PCDHGB6: variants seen among roughly 807,000 people sequenced by gnomAD.
PCDHGB6 encodes the protein protocadherin gamma-B6.
Under a neutral mutation model 59.1 loss-of-function variants are expected in PCDHGB6, and 51 were observed. The ratio of observed to expected loss-of-function variants is 0.86; its 90% confidence interval spans 0.69 to 1.09. The LOEUF (loss-of-function observed/expected upper bound fraction) is 1.09, where lower values mean the gene tolerates loss of function less well. PCDHGB6 is among the 50% of genes least tolerant of loss of function. The pLI, the probability that PCDHGB6 is intolerant of heterozygous loss-of-function variation, is 0.00. For synonymous variants in PCDHGB6, 466 were observed against 495.1 expected, an observed-to-expected ratio of 0.94 and a Z score of 0.78; for missense variants, 1,148 against 1,205.1, an observed-to-expected ratio of 0.95 and a Z score of 0.70.
At chr5:141,414,722 G>T in intron 1 of PCDHGB6, 1 of 1,614,128 alleles carries the variant, frequency 6.2e-7, no homozygotes, top group South Asian at 1.1e-5. Flanking sequence ...TCAGACACTG[G>T]CGTCCTGTAT....
chr5:141,450,179 A>G (rs1472867634), intron 1 of PCDHGB6, among the ~76,000 whole-genome samples: 1 of 151,100 alleles, frequency 6.6e-6, no homozygotes, highest in African/African-American at 2.4e-5. Flanking sequence ...CACCACACCC[A>G]GCTAATTTTT....
At chr5:141,495,392 G>A (rs2099760968) in intron 2 of PCDHGB6, among the ~76,000 whole-genome samples, 2 of 152,186 alleles carry the variant, frequency 1.3e-5, no homozygotes, top group Non-Finnish European at 2.9e-5. Context: ...GGCGGGGCAT[G>A]GAGCAGGCCC....
At chr5:141,461,974 C>T (rs2099027742) in intron 1 of PCDHGB6, among the ~76,000 whole-genome samples, 1 of 152,202 alleles carries the variant, frequency 6.6e-6, no homozygotes, top group Non-Finnish European at 1.5e-5. Context: ...CAGGCATATG[C>T]CACCACGCCA....
chr5:141,510,400 TA>T (rs780031896), intron 3 of PCDHGB6, among the ~76,000 whole-genome samples: 12 of 151,920 alleles, frequency 7.9e-5, no homozygotes, highest in Non-Finnish European at 1.3e-4. Flanking sequence ...TGGCAAAGGC[TA>T]GGGGCATGTA....
intron 1 of PCDHGB6, among the ~76,000 whole-genome samples, chr5:141,444,241 G>A (rs1302797543): frequency 3.1e-5 from 4 of 130,308 alleles, no homozygotes; most frequent in Admixed American, 1.9e-4. Flanking sequence ...GCATGCTCTC[G>A]GCTCACTGCA....
intron 1 of PCDHGB6, chr5:141,423,880 G>T: frequency 7.8e-7 from 1 of 1,282,292 alleles, no homozygotes; most frequent in Non-Finnish European, 9.9e-7. Flanking sequence ...TTTCAATCTT[G>T]GCATATTTTC....
intron 1 of PCDHGB6, among the ~76,000 whole-genome samples, chr5:141,430,159 A>G (rs1324343997): frequency 6.6e-6 from 1 of 152,176 alleles, no homozygotes; most frequent in Non-Finnish European, 1.5e-5. Context: ...CAAGGAATCT[A>G]TTTAAAAATA....
In PCDHGB6 at chr5:141,409,351, G is replaced by T; in HGVS notation, c.1149G>T (p.Arg383Ser). 1 of 1,613,982 alleles carries T rather than the reference G, an allele frequency of 6.2e-7. No individual in the cohort carries two copies. Among genetic ancestry groups the T allele is most frequent in the South Asian group, 1.1e-5 (1 of 91,090 alleles). ...DLDFGGNGEVRCNIETDIPFK... is the reference protein window; with the variant it reads ...DLDFGGNGEVSCNIETDIPFK... Reference sequence around the variant, plus strand: ...ATTTCGGAGGAAATGGAGAAGTCAGGTGTAATATAGAAACAGACATTCCAT... The same window carrying T: ...ATTTCGGAGGAAATGGAGAAGTCAGTTGTAATATAGAAACAGACATTCCAT... The change falls in exon 1 of 4, where the codon AGG becomes AGT. Residue 383 changes from arginine to serine, a missense_variant. By Grantham distance (110) the Arg-to-Ser change is moderately radical. Coordinates refer to ENST00000520790, the MANE Select transcript of PCDHGB6 (RefSeq NM_018926.3).
chr5:141,418,663 C>T, intron 1 of PCDHGB6: 1 of 1,613,960 alleles, frequency 6.2e-7, no homozygotes, highest in South Asian at 1.1e-5. Flanking sequence ...AGGCCACTGA[C>T]CAGGACGAGG....
intron 1 of PCDHGB6, among the ~76,000 whole-genome samples, chr5:141,429,629 C>G (rs2097230011): frequency 1.3e-5 from 2 of 152,160 alleles, no homozygotes; most frequent in Admixed American, 1.3e-4. Flanking sequence ...TATTTTCTCA[C>G]AGCTACCTAT....
At position 141,423,756 on chromosome 5, in the gene PCDHGB6, G is replaced by GGA. The variant is rs1554116833; in HGVS notation, c.2418+13137_2418+13138insAG. 3 of 448,454 alleles carry GGA rather than the reference G, an allele frequency of 6.7e-6. No individual in the cohort carries two copies. In the African/African-American group the frequency reaches 8.4e-5, roughly 13 times the overall value. The allele number at this position is 448,454 out of a possible 1,614,324, so 27.8% of individuals were successfully genotyped here. A position where few individuals can be genotyped will look rare whatever the true frequency, so the allele number is the denominator to read the frequency against. ...GCCTGTTATGAAAACTGTTTGGGGG[G>GGA]GGGGTGGGGCGGCATATATTTAGTT... On this transcript the variant is annotated intron_variant, in intron 1 of 3. Coordinates refer to ENST00000520790, the MANE Select transcript of PCDHGB6 (RefSeq NM_018926.3).
In PCDHGB6 at chr5:141,489,984, T is replaced by C; in HGVS notation, c.2419-4823T>C. The C allele has an allele frequency of 1.2e-6, 2 of 1,614,212 alleles. No homozygotes were observed. Among genetic ancestry groups the C allele is most frequent in the South Asian group, 1.1e-5 (1 of 91,090 alleles). ...CAACCTTCCAATCCTCAGTTCTACG[T>C]GTGGGAATCCCAGAGAATGCACCCA... On this transcript the variant is annotated intron_variant, in intron 1 of 3. Transcript: ENST00000520790. The surrounding 1 kb of genome is among the most constrained non-coding windows in gnomAD (Gnocchi z 4.5).
At position 141,432,455 on chromosome 5, in the gene PCDHGB6, G is replaced by A; in HGVS notation, c.2418+21835G>A. The A allele has an allele frequency of 6.2e-7, 1 of 1,614,176 alleles. No individual in the cohort carries two copies. The highest frequency in any genetic ancestry group is 8.5e-7 in the Non-Finnish European group (1 of 1,180,042). On this transcript the variant is annotated intron_variant, in intron 1 of 3. Transcript: ENST00000520790. The surrounding 1 kb of genome is among the most constrained non-coding windows in gnomAD (Gnocchi z 6.0). ...CAATGCGCCCGAGATCCTGTACCCCGCCCTCCCCACGGACGGTTCCACTGG... is the reference window on the plus strand; with the variant it reads ...CAATGCGCCCGAGATCCTGTACCCCACCCTCCCCACGGACGGTTCCACTGG...
chr5:141,449,537 C>T (rs1377909573), intron 1 of PCDHGB6, among the ~76,000 whole-genome samples: 1 of 146,330 alleles, frequency 6.8e-6, no homozygotes, highest in Non-Finnish European at 1.5e-5. Flanking sequence ...TGCAGTGAGC[C>T]GAGATCGCAC....
intron 1 of PCDHGB6, chr5:141,422,812 T>C: frequency 6.2e-7 from 1 of 1,614,206 alleles, no homozygotes; most frequent in South Asian, 1.1e-5. Context: ...GTTTCGAGAC[T>C]TAGAACTGAG....
intron 1 of PCDHGB6, among the ~76,000 whole-genome samples, chr5:141,446,167 G>A (rs1357034077): frequency 6.6e-6 from 1 of 152,188 alleles, no homozygotes; most frequent in African/African-American, 2.4e-5. Flanking sequence ...ATTTCATGAG[G>A]GCAGGGGGTG....
chr5:141,456,550 C>T (rs1017343381), intron 1 of PCDHGB6, among the ~76,000 whole-genome samples: 2 of 152,166 alleles, frequency 1.3e-5, no homozygotes, highest in African/African-American at 4.8e-5. Context: ...TGTAGCCACT[C>T]GGGGCTGAAG....
In PCDHGB6 at chr5:141,432,695, G is replaced by A. The variant is rs1275179569; in HGVS notation, c.2418+22075G>A. ...GCTCAAGCAGAGCCTCGTAGTGGCC[G>A]TCCAGGACCACGGCCAGCCCCCTCT... On this transcript the variant is annotated intron_variant, in intron 1 of 3. Coordinates refer to ENST00000520790, the MANE Select transcript of PCDHGB6 (RefSeq NM_018926.3). This position sits in a 1 kb window ranked among gnomAD's most constrained non-coding sequence, Gnocchi z 6.0. The A allele has an allele frequency of 3.1e-6, 5 of 1,613,822 alleles. No homozygotes were observed. The highest frequency in any genetic ancestry group is 1.7e-5 in the Admixed American group (1 of 60,002).
intron 1 of PCDHGB6, chr5:141,419,412 G>A (rs770138290): frequency 1.9e-6 from 3 of 1,613,446 alleles, no homozygotes; most frequent in South Asian, 2.2e-5. Context: ...TTCGCGCAGC[G>A]CGCCTTCGAC....
Sources: gnomAD v4.1 joint callset for allele counts (sites outside exome capture counted in the v4.1 genomes callset) on GRCh38, gnomAD v4.1.1 for gene constraint, Gnocchi (gnomAD v3.1) non-coding constraint, MANE v1.5 for transcripts, NCBI Gene and HGNC (gene_info 2026-07-23, HGNC 2026-07-21) for gene names.